The following PCNX4 variants were observed in gnomAD, a reference collection of about 807,000 sequenced individuals.
The protein encoded by PCNX4 is pecanex-like protein 4.
PCNX4 carries 103 observed loss-of-function variants against 107.2 expected under a neutral mutation model. The ratio of observed to expected loss-of-function variants is 0.96; its 90% confidence interval spans 0.82 to 1.13. The LOEUF (loss-of-function observed/expected upper bound fraction) is 1.13, where lower values mean the gene tolerates loss of function less well. PCNX4 is among the 50% of genes most tolerant of loss of function. The pLI, the probability that PCNX4 is intolerant of heterozygous loss-of-function variation, is 0.00. For missense variants in PCNX4, 1,528 were observed against 1,379.4 expected (o/e 1.11, Z -1.71); for synonymous variants, 541 against 481.7 (o/e 1.12, Z -1.61).
rs1226506308 is a variant in PCNX4, at chr14:60,145,470, G to C, written c.*11249G>C. 6.6e-6 allele frequency: 1 copy of C among 152,426 alleles called. No homozygotes were observed. The highest frequency in any genetic ancestry group is 1.5e-5 in the Non-Finnish European group (1 of 68,280). The allele number at this position is 152,426 out of a possible 1,614,324, so 9.4% of individuals were successfully genotyped here. A position where few individuals can be genotyped will look rare whatever the true frequency, so the allele number is the denominator to read the frequency against. On this transcript the variant is annotated 3_prime_UTR_variant, in exon 11 of 11. Coordinates refer to ENST00000406854, the MANE Select transcript of PCNX4 (RefSeq NM_001330177.2). This position sits in a 1 kb window ranked among gnomAD's most constrained non-coding sequence, Gnocchi z 4.0. ...GGCCGAGGTGGGCAGATCACCTGAG[G>C]TCAGGAGTTAGAGACCAGCCTGGCA...
chr14:60,115,345 T>C lies in PCNX4; in HGVS notation c.1241T>C (p.Ile414Thr). Reference protein sequence around the residue: ...ILREIQSVYIIGIFRNPFYPK... With the variant: ...ILREIQSVYITGIFRNPFYPK... ...AGAGAAATTCAAAGCGTATATATCA[T>C]TGGAATTTTCCGAAATCCCTTTTAT... The change falls in exon 4 of 11, where the codon ATT becomes ACT. Residue 414 changes from isoleucine to threonine, a missense_variant. Ile to Thr is a moderately conservative substitution (Grantham distance 89, BLOSUM62 -1). Coordinates refer to ENST00000406854, the MANE Select transcript of PCNX4 (RefSeq NM_001330177.2). The C allele has an allele frequency of 6.2e-7, 1 of 1,605,666 alleles. No individual in the cohort carries two copies. Among genetic ancestry groups the C allele is most frequent in the Middle Eastern group, 1.7e-4 (1 of 6,026 alleles).
chr14:60,145,099 C>T lies in PCNX4; in HGVS notation c.*10878C>T, dbSNP rs926825762. Reference sequence around the variant, plus strand: ...ATTTAAGTCCTTCTGTTTTGAGGAGCTGTATCATTATGATTCACTATTAAG... The same window carrying T: ...ATTTAAGTCCTTCTGTTTTGAGGAGTTGTATCATTATGATTCACTATTAAG... On this transcript the variant is annotated 3_prime_UTR_variant, in exon 11 of 11. Transcript: ENST00000406854. The surrounding 1 kb of genome is among the most constrained non-coding windows in gnomAD (Gnocchi z 4.0). 38 of 892,790 alleles carry T rather than the reference C, an allele frequency of 4.3e-5. No homozygotes were observed. Among genetic ancestry groups the T allele is most frequent in the Non-Finnish European group, 5.2e-5 (32 of 610,546 alleles). 55.3% of individuals were successfully genotyped at this position (892,790 alleles called of 1,614,324 possible). A position where few individuals can be genotyped will look rare whatever the true frequency, so the allele number is the denominator to read the frequency against.
At chr14:60,114,160 C>T (rs982754260) in intron 2 of PCNX4, among the ~76,000 whole-genome samples, 2 of 152,122 alleles carry the variant, frequency 1.3e-5, no homozygotes, top group African/African-American at 2.4e-5. Context: ...GTCCTGGGAG[C>T]GGGACAGTAC....
chr14:60,107,540 A>T, intron 1 of PCNX4, 46 bp from the exon 2 acceptor site: 2 of 1,065,184 alleles, frequency 1.9e-6, no homozygotes, highest in Non-Finnish European at 2.7e-6. Context: ...CATAGGTTTT[A>T]AATGACATTT....
chr14:60,114,255 C>T (rs538154757), intron 2 of PCNX4, among the ~76,000 whole-genome samples: 78 of 152,268 alleles, frequency 5.1e-4, no homozygotes, highest in Non-Finnish European at 7.6e-4. Flanking sequence ...TCCAAAGTTA[C>T]TTGAAATTTT....
At chr14:60,092,695 G>A (rs909725223) in intron 1 of PCNX4, among the ~76,000 whole-genome samples, 2 of 152,076 alleles carry the variant, frequency 1.3e-5, no homozygotes, top group African/African-American at 2.4e-5. Flanking sequence ...ATGGAATATG[G>A]CACACCCACC....
rs1896235027 is a variant in PCNX4 at position 60,136,005 on chromosome 14, A to G, written c.*1784A>G. The stretch of plus-strand genomic sequence containing the variant: ...CTTCGCTTAACCTTGCATCCTCCTC[A>G]AAGTGCTCCCATATCTCCATTTCAT... On this transcript the variant is annotated 3_prime_UTR_variant, in exon 11 of 11. Transcript: ENST00000406854. 1 of 152,014 alleles carries G rather than the reference A, an allele frequency of 6.6e-6. No homozygotes were observed. 9.4% of individuals were successfully genotyped at this position (152,014 alleles called of 1,614,324 possible).
Position 60,115,423 on chromosome 14 carries a change from T to C in PCNX4, c.1319T>C (p.Met440Thr), listed in dbSNP as rs775970110. The stretch of plus-strand genomic sequence containing the variant: ...TTCTTTGAGAAGCAAACTAGGCTCA[T>C]GAAGATTGGTATTGTCAGACGGATT... ...TVFFEKQTRL[M>T]KIGIVRRILL... Residue 440 changes from methionine (M) to threonine (T), a missense_variant, in exon 4 of 11, where the codon ATG becomes ACG. By Grantham distance (81) the Met-to-Thr change is moderately conservative. Transcript: ENST00000406854. The C allele has an allele frequency of 1.2e-5, 19 of 1,551,144 alleles. No homozygotes were observed. Among genetic ancestry groups the C allele is most frequent in the Middle Eastern group, 1.7e-4 (1 of 5,770 alleles).
intron 1 of PCNX4, among the ~76,000 whole-genome samples, chr14:60,095,189 C>T (rs1010518667): frequency 1.2e-4 from 18 of 152,118 alleles, no homozygotes; most frequent in African/African-American, 4.3e-4. Context: ...ACACAATTGT[C>T]ATGTAAGAGG....
At chr14:60,121,844 G>T (rs1250151413) in intron 8 of PCNX4, among the ~76,000 whole-genome samples, 1 of 152,236 alleles carries the variant, frequency 6.6e-6, no homozygotes, top group East Asian at 1.9e-4. Context: ...TAAGTCCAGT[G>T]ATCAACTCTC....
intron 1 of PCNX4, among the ~76,000 whole-genome samples, chr14:60,101,342 GAATA>G (rs1202500069): frequency 3.3e-5 from 5 of 152,078 alleles, no homozygotes; most frequent in African/African-American, 7.2e-5. Flanking sequence ...ATTTGGCTCA[GAATA>G]AATCTCTTAA....
Position 60,120,513 on chromosome 14 carries a change from A to G in PCNX4, c.1943-683A>G, listed in dbSNP as rs1215691294. On this transcript the variant is annotated intron_variant, in intron 7 of 10. Coordinates refer to ENST00000406854, the MANE Select transcript of PCNX4 (RefSeq NM_001330177.2). ...GGATAGTAGTTGGTTCTGGTATGTT[A>G]ACACTGTTCTGAACCACATATTGTA... 3.3e-5 allele frequency among the ~76,000 whole-genome samples: 5 copies of G among 152,358 alleles called. No individual in the cohort carries two copies. In the East Asian group the frequency reaches 5.8e-4, roughly 18 times the overall value.
chr14:60,131,963 AT>A (rs924780847), intron 10 of PCNX4, among the ~76,000 whole-genome samples: 2 of 152,240 alleles, frequency 1.3e-5, no homozygotes, highest in Admixed American at 1.3e-4. Context: ...CGATAGCAAC[AT>A]TCAAAAGAAT....
rs1341299915 is a variant in PCNX4 at position 60,140,718 on chromosome 14, T to A, written c.*6497T>A. On this transcript the variant is annotated 3_prime_UTR_variant, in exon 11 of 11. Transcript: ENST00000406854. The surrounding 1 kb of genome is among the most constrained non-coding windows in gnomAD (Gnocchi z 4.2). The stretch of plus-strand genomic sequence containing the variant: ...AATCAATCAATATGATTCAACACAT[T>A]AACAGAATGAAAGGAGAAAAATAAT... The A allele has an allele frequency of 6.6e-6, 1 of 152,156 alleles. No homozygotes were observed. Among genetic ancestry groups the A allele is most frequent in the Non-Finnish European group, 1.5e-5 (1 of 68,032 alleles). 9.4% of individuals were successfully genotyped at this position (152,156 alleles called of 1,614,324 possible). A position where few individuals can be genotyped will look rare whatever the true frequency, so the allele number is the denominator to read the frequency against.
rs1488642914 is a variant in PCNX4, at chr14:60,138,723, T to C, written c.*4502T>C. 3 of 152,086 alleles carry C rather than the reference T, an allele frequency of 2.0e-5. No homozygotes were observed. The highest frequency in any genetic ancestry group is 4.4e-5 in the Non-Finnish European group (3 of 68,002). The allele number at this position is 152,086 out of a possible 1,614,324, so 9.4% of individuals were successfully genotyped here. On this transcript the variant is annotated 3_prime_UTR_variant, in exon 11 of 11. Coordinates refer to ENST00000406854, the MANE Select transcript of PCNX4 (RefSeq NM_001330177.2). ...TGTCATTAAAGGTGATAGTAAAGGGTATTCTTCAGACAGAAGGAAAAAGAT... is the reference window on the plus strand; with the variant it reads ...TGTCATTAAAGGTGATAGTAAAGGGCATTCTTCAGACAGAAGGAAAAAGAT...
intron 1 of PCNX4, among the ~76,000 whole-genome samples, chr14:60,092,775 G>T (rs1895330830): frequency 2.0e-5 from 3 of 152,112 alleles, no homozygotes. Context: ...TGTCCGAATT[G>T]TTCAACTCAT....
intron 10 of PCNX4, among the ~76,000 whole-genome samples, chr14:60,128,291 A>T (rs1896092195): frequency 6.6e-6 from 1 of 152,212 alleles, no homozygotes; most frequent in African/African-American, 2.4e-5. Context: ...CAAATACATC[A>T]TAGTAAAAAT....
At chr14:60,094,987 A>C (rs1276051238) in intron 1 of PCNX4, among the ~76,000 whole-genome samples, 1 of 152,160 alleles carries the variant, frequency 6.6e-6, no homozygotes, top group Non-Finnish European at 1.5e-5. Flanking sequence ...TTGATTTTAA[A>C]AGAAAAGTTT....
chr14:60,123,941 T>A (rs1217489764), intron 8 of PCNX4, among the ~76,000 whole-genome samples: 1 of 152,150 alleles, frequency 6.6e-6, no homozygotes, highest in African/African-American at 2.4e-5. Context: ...TATAGTCTTT[T>A]AAAATTATAT....
Sources: gnomAD v4.1 joint callset for allele counts (sites outside exome capture counted in the v4.1 genomes callset) on GRCh38, gnomAD v4.1.1 for gene constraint, Gnocchi (gnomAD v3.1) non-coding constraint, MANE v1.5 for transcripts, NCBI Gene and HGNC (gene_info 2026-07-23, HGNC 2026-07-21) for gene names.